The following IGSF9B variants were observed in gnomAD, a reference collection of about 807,000 sequenced individuals.
IGSF9B encodes protein turtle homolog B.
In IGSF9B, 48 loss-of-function variants were observed where a neutral mutation model predicts 143.7. That is an observed-to-expected ratio of 0.33 (90% CI 0.26 to 0.42). The LOEUF (loss-of-function observed/expected upper bound fraction) is 0.42, where lower values mean the gene tolerates loss of function less well. IGSF9B is among the 20% of genes least tolerant of loss of function. The pLI is 1.00. For synonymous variants in IGSF9B, 903 were observed against 833.1 expected (o/e 1.08, Z -1.44); for missense variants, 1,706 against 1,980.0 (o/e 0.86, Z 2.63).
intron 17 of IGSF9B, 42 bp from the exon 18 acceptor site, chr11:133,921,439 A>G (rs1294253499): frequency 2.8e-6 from 4 of 1,413,758 alleles, no homozygotes; most frequent in East Asian, 5.0e-5. Context: ...GAGGTGGGGC[A>G]GTGTGCTGGC....
intron 18 of IGSF9B, 86 bp downstream of exon 18, chr11:133,919,656 C>A: frequency 1.1e-6 from 1 of 875,214 alleles, no homozygotes; most frequent in Non-Finnish European, 1.6e-6. Context: ...TGTCGCCGGG[C>A]GGATGGACGG....
intron 15 of IGSF9B, among the ~76,000 whole-genome samples, chr11:133,924,366 GA>G (rs1329344491): frequency 6.6e-6 from 1 of 152,134 alleles, no homozygotes; most frequent in Non-Finnish European, 1.5e-5. Context: ...AGAGAGGAAG[GA>G]AGGGAGGAAA....
In IGSF9B at chr11:133,950,723, G is replaced by A. The variant is rs182892610; in HGVS notation, c.65-4465C>T. On this transcript the variant is annotated intron_variant, in intron 1 of 19. Coordinates refer to ENST00000533871, the MANE Select transcript of IGSF9B (RefSeq NM_001277285.4). ...GGTGGGCCTGTCTCAGAAGGCGGCC[G>A]GGTGGGCTCTGACCAGCTCTGAGGA... is the stretch of plus-strand genomic sequence containing the variant. 2.6e-3 allele frequency among the ~76,000 whole-genome samples: 395 copies of A among 152,342 alleles called. 2 individuals are homozygous for A. The highest frequency in any genetic ancestry group is 8.6e-3 in the African/African-American group (359 of 41,586).
Position 133,956,827 on chromosome 11 carries a change from A to AGCGCCCGCCTC in IGSF9B, c.-84_-74dup, listed in dbSNP as rs544014217. ...CGCGCCCGCACGCGCCTCGCGCCCG[A>AGCGCCCGCCTC]GCGCCCGCCTCGCGCCCGCCTCGCG... On this transcript the variant is annotated 5_prime_UTR_variant, in exon 1 of 20. Coordinates refer to ENST00000533871, the MANE Select transcript of IGSF9B (RefSeq NM_001277285.4). The AGCGCCCGCCTC allele has an allele frequency of 6.7e-5, 65 of 972,036 alleles. No individual in the cohort carries two copies. Among genetic ancestry groups the AGCGCCCGCCTC allele is most frequent in the East Asian group, 3.1e-4 (9 of 28,994 alleles). The allele number at this position is 972,036 out of a possible 1,614,324, so 60.2% of individuals were successfully genotyped here. A position where few individuals can be genotyped will look rare whatever the true frequency, so the allele number is the denominator to read the frequency against.
At chr11:133,926,014 G>T in intron 13 of IGSF9B, 49 bp from the exon 14 acceptor site, 1 of 1,312,144 alleles carries the variant, frequency 7.6e-7, no homozygotes, top group Non-Finnish European at 1.1e-6. Context: ...GAGGCCCAGG[G>T]CAGCCACCGC....
intron 3 of IGSF9B, among the ~76,000 whole-genome samples, chr11:133,941,564 G>A (rs1301440541): frequency 6.6e-6 from 1 of 152,206 alleles, no homozygotes; most frequent in African/African-American, 2.4e-5. Flanking sequence ...TCGAACTTGG[G>A]AAGAAGAGAA....
intron 1 of IGSF9B, among the ~76,000 whole-genome samples, chr11:133,947,961 C>G (rs1334826561): frequency 6.6e-6 from 1 of 152,012 alleles, no homozygotes; most frequent in Non-Finnish European, 1.5e-5. Context: ...CTTTCTGTGT[C>G]TCCCTCTGTC....
At position 133,904,810 on chromosome 11, in the gene IGSF9B, C is replaced by T. The variant is rs1939188564; in HGVS notation, c.*4259G>A. 6.6e-6 allele frequency among the ~76,000 whole-genome samples: 1 copy of T among 151,722 alleles called. No individual in the cohort carries two copies. The highest frequency in any genetic ancestry group is 1.5e-5 in the Non-Finnish European group (1 of 67,972). On this transcript the variant is annotated 3_prime_UTR_variant, in exon 20 of 20. Transcript: ENST00000533871. ...CAAAGCACACAGGCCTCCCCTCCAC[C>T]CTCCAGTTCTCCAACTCCCCCTCCT...
At position 133,919,778 on chromosome 11, in the gene IGSF9B, C is replaced by T; in HGVS notation, c.3947G>A (p.Arg1316Gln). 1.3e-5 allele frequency: 19 copies of T among 1,486,108 alleles called. 1 individual carries two copies. The highest frequency in any genetic ancestry group is 5.8e-5 in the South Asian group (4 of 69,368). 92.1% of individuals were successfully genotyped at this position (1,486,108 alleles called of 1,614,324 possible). ...TAACGTGGGTGGTGGGGTCTCCGGT[C>T]GGAGCAATTCCTCCCCCGTCCTTCG... Reference protein sequence around the residue: ...SPRRTGEELLRPETPPPTLPT... With the variant: ...SPRRTGEELLQPETPPPTLPT... Residue 1316 changes from arginine (R) to glutamine (Q), a missense_variant, in exon 18 of 20, where the codon CGA becomes CAA. Coordinates refer to ENST00000533871, the MANE Select transcript of IGSF9B (RefSeq NM_001277285.4).
At chr11:133,922,359 G>C in intron 16 of IGSF9B, 137 bp from the exon 17 acceptor site, 1 of 960,506 alleles carries the variant, frequency 1.0e-6, no homozygotes, top group South Asian at 1.5e-5. Context: ...TTTGGCCCCT[G>C]CCTTCATGCT....
At chr11:133,916,135 C>G (rs1939377155) in intron 18 of IGSF9B, among the ~76,000 whole-genome samples, 2 of 152,146 alleles carry the variant, frequency 1.3e-5, no homozygotes, top group African/African-American at 4.8e-5. Context: ...GGAGTGGAAG[C>G]AGAGGTGAGG....
intron 1 of IGSF9B, among the ~76,000 whole-genome samples, chr11:133,949,656 G>T (rs964205147): frequency 6.6e-6 from 1 of 151,948 alleles, no homozygotes; most frequent in Non-Finnish European, 1.5e-5. Flanking sequence ...ACACCTGTGT[G>T]TGTCTGTGTT....
rs1939238837 is a variant in IGSF9B, at chr11:133,908,105, C to T, written c.*964G>A. On this transcript the variant is annotated 3_prime_UTR_variant, in exon 20 of 20. Coordinates refer to ENST00000533871, the MANE Select transcript of IGSF9B (RefSeq NM_001277285.4). ...TGGCTCCGCAGTGGGGAGACTTTGG[C>T]CACAGAGCTCACGGCCTGGCTGGGC... Among the ~76,000 whole-genome samples, 1 of 152,186 alleles carries T rather than the reference C, an allele frequency of 6.6e-6. No individual in the cohort carries two copies. Among genetic ancestry groups the T allele is most frequent in the Non-Finnish European group, 1.5e-5 (1 of 68,032 alleles).
At chr11:133,921,513 T>A in intron 17 of IGSF9B, 116 bp from the exon 18 acceptor site, 1 of 745,012 alleles carries the variant, frequency 1.3e-6, no homozygotes, top group Non-Finnish European at 2.1e-6. Context: ...TCAAGAAAAC[T>A]GGCTGTGTAT....
chr11:133,952,737 GCA>G (rs759282464), intron 1 of IGSF9B, among the ~76,000 whole-genome samples: 19 of 152,042 alleles, frequency 1.2e-4, no homozygotes, highest in Non-Finnish European at 2.2e-4. Context: ...ACATGCAGGG[GCA>G]CACACATATG....
chr11:133,929,617 G>A, intron 12 of IGSF9B, 54 bp downstream of exon 12: 1 of 1,318,064 alleles, frequency 7.6e-7, no homozygotes, highest in African/African-American at 1.4e-5. Flanking sequence ...GGAAGACCGG[G>A]GAGGGGAGAA....
rs1426963197 is a variant in IGSF9B at position 133,900,882 on chromosome 11, C to A, written c.*8187G>T. 6.6e-6 allele frequency: 1 copy of A among 152,252 alleles called. No homozygotes were observed. Among genetic ancestry groups the A allele is most frequent in the Non-Finnish European group, 1.5e-5 (1 of 68,066 alleles). 9.4% of individuals were successfully genotyped at this position (152,252 alleles called of 1,614,324 possible). A position where few individuals can be genotyped will look rare whatever the true frequency, so the allele number is the denominator to read the frequency against. On this transcript the variant is annotated 3_prime_UTR_variant, in exon 20 of 20. Coordinates refer to ENST00000533871, the MANE Select transcript of IGSF9B (RefSeq NM_001277285.4). ...GCCCTCTATGAGCGGTCTGAGCTGT[C>A]TGAGCTACAGTGCTACAAACCAAGA...
intron 11 of IGSF9B, among the ~76,000 whole-genome samples, chr11:133,930,332 G>A (rs963529113): frequency 1.3e-5 from 2 of 152,142 alleles, no homozygotes; most frequent in African/African-American, 4.8e-5. Flanking sequence ...ACCTACACTA[G>A]AGAAACCCCA....
At chr11:133,917,340 A>G (rs1021689315) in intron 18 of IGSF9B, among the ~76,000 whole-genome samples, 1 of 151,996 alleles carries the variant, frequency 6.6e-6, no homozygotes, top group African/African-American at 2.4e-5. Context: ...TTTAGCTTCC[A>G]CCTGGAAGGA....
Sources: gnomAD v4.1 joint callset for allele counts (sites outside exome capture counted in the v4.1 genomes callset) on GRCh38, gnomAD v4.1.1 for gene constraint, MANE v1.5 for transcripts, NCBI Gene and HGNC (gene_info 2026-07-23, HGNC 2026-07-21) for gene names.